The following CDH22 variants were observed in gnomAD, a reference collection of about 807,000 sequenced individuals.
CDH22 encodes cadherin-22.
In CDH22, 30 loss-of-function variants were observed where a neutral mutation model predicts 58.4. The observed-to-expected ratio is 0.51, with a 90% CI of 0.38 to 0.70. The LOEUF (loss-of-function observed/expected upper bound fraction) is 0.70. Among genes scored for constraint, CDH22 ranks in the 30% least tolerant of loss-of-function variants. The pLI is 0.00. For missense variants in CDH22, 1,014 were observed against 1,233.9 expected (o/e 0.82, Z 2.67); for synonymous variants, 513 against 558.2 (o/e 0.92, Z 1.14).
intron 3 of CDH22, among the ~76,000 whole-genome samples, chr20:46,233,732 G>C (rs895858018): frequency 9.9e-5 from 15 of 152,230 alleles, no homozygotes; most frequent in African/African-American, 3.4e-4. Context: ...CCCGGGCCAT[G>C]GGGCCAACTC....
chr20:46,228,889 C>G (rs1337237052), intron 3 of CDH22, among the ~76,000 whole-genome samples: 2 of 152,190 alleles, frequency 1.3e-5, no homozygotes, highest in Non-Finnish European at 2.9e-5. Context: ...AAGCCCAGCC[C>G]GCCGCCCGCC....
chr20:46,300,027 G>A lies in CDH22; in HGVS notation c.-400+8228C>T, dbSNP rs964858285. Among the ~76,000 whole-genome samples the A allele has an allele frequency of 6.6e-6, 1 of 152,184 alleles. No homozygotes were observed. The highest frequency in any genetic ancestry group is 2.4e-5 in the African/African-American group (1 of 41,446). ...GACACTGAAATAGACTGAGCTAGGG[G>A]CAAAGGATTCAGTCTGCTCTGAGAC... On this transcript the variant is annotated intron_variant, in intron 1 of 11. Coordinates refer to ENST00000537909, the MANE Select transcript of CDH22 (RefSeq NM_021248.3). This position sits in a 1 kb window ranked among gnomAD's most constrained non-coding sequence, Gnocchi z 4.4.
intron 1 of CDH22, among the ~76,000 whole-genome samples, chr20:46,275,297 G>A (rs2086512358): frequency 6.6e-6 from 1 of 152,130 alleles, no homozygotes; most frequent in Admixed American, 6.5e-5. Flanking sequence ...TGCCTTTGCA[G>A]TAGCTGTTCG....
chr20:46,206,696 C>G (rs1037932790), intron 7 of CDH22, among the ~76,000 whole-genome samples: 4 of 152,330 alleles, frequency 2.6e-5, no homozygotes, highest in Non-Finnish European at 5.9e-5. Context: ...CCAATCCCTC[C>G]TTATCCTATC....
At chr20:46,200,629 C>CA (rs1292475932) in intron 7 of CDH22, among the ~76,000 whole-genome samples, 1 of 152,118 alleles carries the variant, frequency 6.6e-6, no homozygotes, top group Non-Finnish European at 1.5e-5. Flanking sequence ...AGCTTGAAGG[C>CA]AGAGACCGGG....
At chr20:46,227,451 C>CG in intron 4 of CDH22, 57 bp downstream of exon 4, 3 of 1,405,222 alleles carry the variant, frequency 2.1e-6, no homozygotes. Flanking sequence ...GTCCTCGTCC[C>CG]GCCCCGCCCC....
At chr20:46,223,707 TTCTTTCTTTTTCTTTCTTTC>T (rs1568664198) in intron 4 of CDH22, among the ~76,000 whole-genome samples, 25 of 80,444 alleles carry the variant, frequency 3.1e-4, no homozygotes, top group South Asian at 4.5e-4. Context: ...CTTTCTTTCT[TTCTTTCTTTTTCTTTCTTTC>T]TCTTTCTTTC....
chr20:46,255,302 G>A (rs567015099), intron 1 of CDH22, among the ~76,000 whole-genome samples: 1 of 152,144 alleles, frequency 6.6e-6, no homozygotes, highest in Non-Finnish European at 1.5e-5. Flanking sequence ...GTGAGCCACC[G>A]TGCCTGGCCA....
chr20:46,290,360 G>A (rs1273929410), intron 1 of CDH22, among the ~76,000 whole-genome samples: 1 of 152,198 alleles, frequency 6.6e-6, no homozygotes, highest in Admixed American at 6.5e-5. Flanking sequence ...GGAGGGTGCT[G>A]CTGGCATCTA....
intron 1 of CDH22, among the ~76,000 whole-genome samples, chr20:46,284,036 T>C (rs553974148): frequency 1.3e-5 from 2 of 152,218 alleles, no homozygotes; most frequent in South Asian, 4.2e-4. Context: ...TTAAGGAAAT[T>C]GTTCCAATGA....
At chr20:46,271,311 C>A (rs943778648) in intron 1 of CDH22, among the ~76,000 whole-genome samples, 1 of 152,194 alleles carries the variant, frequency 6.6e-6, no homozygotes, top group African/African-American at 2.4e-5. Flanking sequence ...TGAGCCTATG[C>A]ACACCTTCCT....
Position 46,251,565 on chromosome 20 carries a change from T to A in CDH22, c.-271A>T. 3.7e-6 allele frequency: 1 copy of A among 271,730 alleles called. No homozygotes were observed. Among genetic ancestry groups the A allele is most frequent in the Admixed American group, 5.4e-5 (1 of 18,554 alleles). The allele number at this position is 271,730 out of a possible 1,614,324, so 16.8% of individuals were successfully genotyped here. ...CCCGCGCCCCCGTCGCCGCGTCGCGTGCGGATCACCAGGCAGCACCTGGAC... is the reference window on the plus strand; with the variant it reads ...CCCGCGCCCCCGTCGCCGCGTCGCGAGCGGATCACCAGGCAGCACCTGGAC... On this transcript the variant is annotated 5_prime_UTR_variant, in exon 2 of 12. Transcript: ENST00000537909. The surrounding 1 kb of genome is among the most constrained non-coding windows in gnomAD (Gnocchi z 6.7).
At chr20:46,234,810 C>A (rs1232474323) in intron 3 of CDH22, among the ~76,000 whole-genome samples, 1 of 152,236 alleles carries the variant, frequency 6.6e-6, no homozygotes, top group East Asian at 1.9e-4. Context: ...TGAGTTAGCA[C>A]AAGAGACGAA....
At chr20:46,213,991 T>C (rs1440723231) in intron 5 of CDH22, among the ~76,000 whole-genome samples, 1 of 151,842 alleles carries the variant, frequency 6.6e-6, no homozygotes, top group African/African-American at 2.4e-5. Context: ...CTGATGAGGG[T>C]GTTGCGCAGT....
chr20:46,293,821 C>T (rs1224165956), intron 1 of CDH22, among the ~76,000 whole-genome samples: 1 of 152,106 alleles, frequency 6.6e-6, no homozygotes, highest in East Asian at 1.9e-4. Context: ...TTGAGACCAG[C>T]CTGGCCAACA....
At chr20:46,244,535 G>A (rs999364058) in intron 2 of CDH22, among the ~76,000 whole-genome samples, 17 of 152,260 alleles carry the variant, frequency 1.1e-4, no homozygotes, top group African/African-American at 4.1e-4. Flanking sequence ...TGTCAGACAT[G>A]TGTTGCAGGC....
intron 1 of CDH22, among the ~76,000 whole-genome samples, chr20:46,271,815 T>A (rs1292058939): frequency 2.6e-5 from 4 of 152,188 alleles, no homozygotes; most frequent in African/African-American, 4.8e-5. Context: ...GGCAATCTCA[T>A]CCATGCTGAT....
chr20:46,216,273 G>T lies in CDH22; in HGVS notation c.838+553C>A, dbSNP rs987800519. Among the ~76,000 whole-genome samples, 2 of 152,214 alleles carry T rather than the reference G, an allele frequency of 1.3e-5. No homozygotes were observed. Among genetic ancestry groups the T allele is most frequent in the Admixed American group, 1.3e-4 (2 of 15,284 alleles). Reference sequence around the variant, plus strand: ...GCCAGCAGAGGCAGAGGGTGGAAAGGCCTCCTAATTCAGAAGCACAGAGTC... The same window carrying T: ...GCCAGCAGAGGCAGAGGGTGGAAAGTCCTCCTAATTCAGAAGCACAGAGTC... On this transcript the variant is annotated intron_variant, in intron 5 of 11. Transcript: ENST00000537909. The surrounding 1 kb of genome is among the most constrained non-coding windows in gnomAD (Gnocchi z 5.3).
Position 46,175,023 on chromosome 20 carries a change from G to A in CDH22, c.1970C>T (p.Ser657Leu), listed in dbSNP as rs1246131755. The A allele has an allele frequency of 6.8e-6, 11 of 1,609,690 alleles. No homozygotes were observed. The highest frequency in any genetic ancestry group is 7.6e-6 in the Non-Finnish European group (9 of 1,179,402). ...LRRHHKSHLS[S>L]DEDEDMRDNV... ...GTCCCGCATGTCTTCATCCTCGTCC[G>A]AGCTCAGGTGGCTCTTGTGGTGGCG... is the stretch of plus-strand genomic sequence containing the variant. The change falls in exon 12 of 12, where the codon TCG becomes TTG. Residue 657 changes from serine to leucine, a missense_variant. Ser to Leu is a moderately radical substitution (Grantham distance 145, BLOSUM62 -2). This residue lies in a region of CDH22 where 806 missense variants were observed against 1,038.7 expected (regional missense o/e 0.78). Coordinates refer to ENST00000537909, the MANE Select transcript of CDH22 (RefSeq NM_021248.3).
Sources: gnomAD v4.1 joint callset for allele counts (sites outside exome capture counted in the v4.1 genomes callset) on GRCh38, gnomAD v4.1.1 for gene constraint, gnomAD v4.1.1 regional missense constraint, Gnocchi (gnomAD v3.1) non-coding constraint, MANE v1.5 for transcripts, NCBI Gene and HGNC (gene_info 2026-07-23, HGNC 2026-07-21) for gene names.